The following HS3ST4 variants were observed in gnomAD, a reference collection of about 807,000 sequenced individuals.
The protein encoded by HS3ST4 is heparan sulfate-glucosamine 3-sulfotransferase 4.
A neutral mutation model predicts 29.2 loss-of-function variants in HS3ST4; 17 were observed. That is an observed-to-expected ratio of 0.58 (90% confidence interval 0.40 to 0.87). The LOEUF (loss-of-function observed/expected upper bound fraction) is 0.87, where lower values mean the gene tolerates loss of function less well. HS3ST4 is among the 40% of genes least tolerant of loss of function. HS3ST4 has a pLI of 0.00. For synonymous variants in HS3ST4, 314 were observed against 285.7 expected, an observed-to-expected ratio of 1.10 and a Z score of -1.00; for missense variants, 627 against 634.5, an observed-to-expected ratio of 0.99 and a Z score of 0.13.
At chr16:25,842,686 G>T (rs142880213) in intron 1 of HS3ST4, among the ~76,000 whole-genome samples, 1 of 152,156 alleles carries the variant, frequency 6.6e-6, no homozygotes, top group Non-Finnish European at 1.5e-5. Flanking sequence ...GGAACTTCAG[G>T]GACCAATAGC....
intron 1 of HS3ST4, 139 bp from the exon 2 acceptor site, chr16:26,135,473 T>C: frequency 1.2e-6 from 1 of 812,958 alleles, no homozygotes; most frequent in Non-Finnish European, 1.9e-6. Flanking sequence ...GAGATATAGG[T>C]AAGAAGAACT....
chr16:25,785,982 A>G (rs1966857172), intron 1 of HS3ST4, among the ~76,000 whole-genome samples: 1 of 152,196 alleles, frequency 6.6e-6, no homozygotes, highest in Non-Finnish European at 1.5e-5. Context: ...GGAGGTGTAC[A>G]TTGATAGAAT....
chr16:26,017,270 C>A (rs1969371083), intron 1 of HS3ST4, among the ~76,000 whole-genome samples: 1 of 152,194 alleles, frequency 6.6e-6, no homozygotes, highest in Non-Finnish European at 1.5e-5. Flanking sequence ...CTGCTAAAGG[C>A]TACTAACATG....
intron 1 of HS3ST4, among the ~76,000 whole-genome samples, chr16:25,743,020 C>T (rs532788758): frequency 6.6e-6 from 1 of 152,300 alleles, no homozygotes; most frequent in South Asian, 2.1e-4. Context: ...TTCCGCAAAG[C>T]CCCTGGTCAT....
intron 1 of HS3ST4, among the ~76,000 whole-genome samples, chr16:26,007,242 A>G (rs1266259148): frequency 6.6e-6 from 1 of 152,110 alleles, no homozygotes; most frequent in Non-Finnish European, 1.5e-5. Flanking sequence ...TTCACCCCTC[A>G]TTACTGTGTT....
At chr16:25,828,236 TTCTTTCTC>T (rs1366070783) in intron 1 of HS3ST4, among the ~76,000 whole-genome samples, 23 of 81,676 alleles carry the variant, frequency 2.8e-4, no homozygotes, top group African/African-American at 3.7e-4. Context: ...CTTTCTTTCT[TTCTTTCTC>T]TTTCTTTCTT....
chr16:25,933,333 A>G (rs1399268171), intron 1 of HS3ST4: 1 of 511,140 alleles, frequency 2.0e-6, no homozygotes. Flanking sequence ...TAATTCTCTA[A>G]CACTCTTCCT....
chr16:26,135,076 G>A (rs550728887), intron 1 of HS3ST4, among the ~76,000 whole-genome samples: 9 of 152,022 alleles, frequency 5.9e-5, no homozygotes, highest in Admixed American at 4.6e-4. Context: ...TGAGTTAGAC[G>A]AAAATAGGAG....
intron 1 of HS3ST4, among the ~76,000 whole-genome samples, chr16:26,055,367 A>G (rs537358587): frequency 7.6e-4 from 115 of 152,276 alleles, no homozygotes; most frequent in African/African-American, 2.6e-3. Context: ...TGCCTAGCTC[A>G]CAGCAGGAAC....
rs1258119058 is a variant in HS3ST4, at chr16:26,097,069, C to T, written c.735-38543C>T. Reference sequence around the variant, plus strand: ...TCAAGGAGAACTACATACCACTGCTCAACAAAATAAAAGAGGACACAAACA... The same window carrying T: ...TCAAGGAGAACTACATACCACTGCTTAACAAAATAAAAGAGGACACAAACA... On this transcript the variant is annotated intron_variant, in intron 1 of 1. Coordinates refer to ENST00000331351, the MANE Select transcript of HS3ST4 (RefSeq NM_006040.3). Among the ~76,000 whole-genome samples, 14 of 152,076 alleles carry T rather than the reference C, an allele frequency of 9.2e-5. 1 individual carries two copies. Among genetic ancestry groups the T allele is most frequent in the Non-Finnish European group, 1.2e-4 (8 of 68,004 alleles).
intron 1 of HS3ST4, among the ~76,000 whole-genome samples, chr16:26,008,751 G>A (rs9924945): frequency 6.6e-5 from 10 of 152,144 alleles, no homozygotes; most frequent in East Asian, 1.9e-4. Flanking sequence ...CCCAGGAGGC[G>A]GAGGCTGCAG....
intron 1 of HS3ST4, among the ~76,000 whole-genome samples, chr16:26,084,612 A>ATTT (rs951683689): frequency 6.1e-5 from 9 of 148,522 alleles, no homozygotes; most frequent in African/African-American, 2.2e-4. Context: ...GTTGAAAAAA[A>ATTT]TTTTTTTTTT....
At chr16:25,996,002 GAAA>G (rs61447217) in intron 1 of HS3ST4, among the ~76,000 whole-genome samples, 2 of 119,284 alleles carry the variant, frequency 1.7e-5, no homozygotes, top group African/African-American at 3.1e-5. Flanking sequence ...CTTCCTCCTT[GAAA>G]AAAAAAAAAA....
At chr16:25,777,640 C>T (rs572573538) in intron 1 of HS3ST4, among the ~76,000 whole-genome samples, 43 of 152,214 alleles carry the variant, frequency 2.8e-4, no homozygotes, top group Admixed American at 1.2e-3. Flanking sequence ...TGGTGCCAGG[C>T]GCCTGTAGTC....
In HS3ST4 at chr16:25,831,018, C is replaced by T. The variant is rs185754302; in HGVS notation, c.734+137867C>T. Among the ~76,000 whole-genome samples the T allele has an allele frequency of 2.6e-3, 394 of 152,342 alleles. 1 individual carries two copies. The highest frequency in any genetic ancestry group is 4.5e-3 in the Non-Finnish European group (307 of 68,038). On this transcript the variant is annotated intron_variant, in intron 1 of 1. Coordinates refer to ENST00000331351, the MANE Select transcript of HS3ST4 (RefSeq NM_006040.3). ...CATTCTGCTGCTCTTCCTCTTCCTCCCTGCACTTCAGCCACCTGACTTTAG... is the reference window on the plus strand; with the variant it reads ...CATTCTGCTGCTCTTCCTCTTCCTCTCTGCACTTCAGCCACCTGACTTTAG...
chr16:26,132,882 A>G (rs1274021852), intron 1 of HS3ST4, among the ~76,000 whole-genome samples: 1 of 152,248 alleles, frequency 6.6e-6, no homozygotes, highest in Non-Finnish European at 1.5e-5. Flanking sequence ...AGATTTATCT[A>G]ATATTTTTAT....
At chr16:25,858,232 T>G (rs1044938722) in intron 1 of HS3ST4, among the ~76,000 whole-genome samples, 3 of 152,030 alleles carry the variant, frequency 2.0e-5, no homozygotes, top group African/African-American at 7.2e-5. Flanking sequence ...TATAAAATTA[T>G]ACAAACTTGC....
Position 25,693,077 on chromosome 16 carries a change from C to G in HS3ST4, c.660C>G (p.His220Gln). 1 of 1,608,422 alleles carries G rather than the reference C, an allele frequency of 6.2e-7. No individual in the cohort carries two copies. Among genetic ancestry groups the G allele is most frequent in the Non-Finnish European group, 8.5e-7 (1 of 1,177,808 alleles). The change falls in exon 1 of 2, where the codon CAC becomes CAG. Residue 220 changes from histidine (H) to glutamine (Q), a missense_variant. Around this residue, in one of 2 missense-constraint regions of HS3ST4, gnomAD observed 402 missense variants for 340.8 expected, o/e 1.18. Transcript: ENST00000331351. ...CGCTGCTGGAGGCGATCCGCGTGCA[C>G]CCGGACGTGCGGGCGGTGGGCGTAG... ...TRALLEAIRV[H>Q]PDVRAVGVEP...
At chr16:25,695,377 G>A (rs1333652984) in intron 1 of HS3ST4, among the ~76,000 whole-genome samples, 1 of 152,208 alleles carries the variant, frequency 6.6e-6, no homozygotes, top group African/African-American at 2.4e-5. Context: ...TAACATAGAG[G>A]AGATCATTAG....
Sources: gnomAD v4.1 joint callset for allele counts (sites outside exome capture counted in the v4.1 genomes callset) on GRCh38, gnomAD v4.1.1 for gene constraint, gnomAD v4.1.1 regional missense constraint, MANE v1.5 for transcripts, NCBI Gene and HGNC (gene_info 2026-07-23, HGNC 2026-07-21) for gene names.